The following ACOD1 variants were observed in gnomAD, a reference collection of about 807,000 sequenced individuals.
ACOD1 encodes cis-aconitate decarboxylase.
ACOD1 carries 14 observed loss-of-function variants against 14.2 expected under a neutral mutation model. The ratio of observed to expected loss-of-function variants is 0.99; its 90% CI spans 0.65 to 1.54. The LOEUF (loss-of-function observed/expected upper bound fraction) is 1.54. ACOD1 is among the 40% of genes most tolerant of loss of function. The pLI is 0.00. For missense variants in ACOD1, 530 were observed against 586.3 expected (o/e 0.90, Z 0.99); for synonymous variants, 182 against 221.7 (o/e 0.82, Z 1.59).
intron 1 of ACOD1, among the ~76,000 whole-genome samples, chr13:76,949,266 GAAA>G (rs35542867): frequency 6.8e-6 from 1 of 147,968 alleles, no homozygotes; most frequent in African/African-American, 2.5e-5. Context: ...ACTCCGTCTT[GAAA>G]AAAAAAAATT....
chr13:76,951,966 C>T (rs950808485), intron 1 of ACOD1, among the ~76,000 whole-genome samples: 10 of 152,186 alleles, frequency 6.6e-5, no homozygotes, highest in Non-Finnish European at 1.0e-4. Flanking sequence ...TCAGATTCCA[C>T]CACCTAAAAG....
chr13:76,957,542 C>T lies in ACOD1; in HGVS notation c.1003C>T (p.Gln335Ter), dbSNP rs778793015. 6.4e-7 allele frequency: 1 copy of T among 1,550,600 alleles called. No homozygotes were observed. The highest frequency in any genetic ancestry group is 1.2e-5 in the South Asian group (1 of 84,062). The part of the protein sequence containing the change: ...VSEHEARHSF[Q>*]YVACAMLLDG... ...GGAGCATGAAGCCCGTCATTCATTCCAGTATGTGGCCTGTGCCATGCTGCT... is the reference window on the plus strand; with the variant it reads ...GGAGCATGAAGCCCGTCATTCATTCTAGTATGTGGCCTGTGCCATGCTGCT... Residue 335 changes from glutamine (Q) to a stop codon, truncating the protein, a stop_gained, in exon 5 of 5, where the codon CAG (glutamine) becomes TAG (stop). Transcript: ENST00000377462. LOFTEE classifies it low-confidence loss of function (END_TRUNC).
rs1418690231 is a variant in ACOD1 at position 76,955,669 on chromosome 13, C to T, written c.470+145C>T. The T allele has an allele frequency of 1.2e-5, 8 of 689,812 alleles. No individual in the cohort carries two copies. The African/African-American group carries it at 1.3e-4, about 11-fold the overall frequency. 42.7% of individuals were successfully genotyped at this position (689,812 alleles called of 1,614,324 possible). On this transcript the variant is annotated intron_variant, in intron 4 of 4. Transcript: ENST00000377462. Reference sequence around the variant, plus strand: ...GGTAGATAAGTCAATACACCAGTCACATACGAAACCCTCTATCCACATTTA... The same window carrying T: ...GGTAGATAAGTCAATACACCAGTCATATACGAAACCCTCTATCCACATTTA...
chr13:76,952,671 A>C (rs2033834242), intron 2 of ACOD1, 21 bp downstream of exon 2: 6 of 1,545,172 alleles, frequency 3.9e-6, no homozygotes, highest in Non-Finnish European at 4.4e-6. Flanking sequence ...CAAGGTCTAC[A>C]TTAGAGATAA....
chr13:76,956,601 C>A (rs2033878562), intron 4 of ACOD1, among the ~76,000 whole-genome samples: 1 of 152,096 alleles, frequency 6.6e-6, no homozygotes, highest in African/African-American at 2.4e-5. Context: ...CAGCGTCTGC[C>A]TCCCAGGTTC....
At chr13:76,956,435 T>G (rs2033876365) in intron 4 of ACOD1, among the ~76,000 whole-genome samples, 1 of 152,046 alleles carries the variant, frequency 6.6e-6, no homozygotes, top group African/African-American at 2.4e-5. Flanking sequence ...CTCTTGACCT[T>G]GTGATCTGCC....
chr13:76,953,511 A>G (rs1271184464), intron 2 of ACOD1, 89 bp from the exon 3 acceptor site: 1 of 768,452 alleles, frequency 1.3e-6, no homozygotes, highest in Middle Eastern at 2.3e-4. Context: ...AACTATGAAT[A>G]ATGCCTCCAA....
In ACOD1 at chr13:76,957,414, A is replaced by G. The variant is rs1237060080; in HGVS notation, c.875A>G (p.Lys292Arg). 1.3e-6 allele frequency: 2 copies of G among 1,550,634 alleles called. No homozygotes were observed. The highest frequency in any genetic ancestry group is 2.0e-5 in the Admixed American group (1 of 51,004). Residue 292 changes from lysine to arginine, a missense_variant, in exon 5 of 5, where the codon AAG becomes AGG. By Grantham distance (26) the Lys-to-Arg change is conservative. Transcript: ENST00000377462. ...GCAGACGCAGCTGCATCTGTGAGAA[A>G]GCACCTTGTAGCAGAGAGAGCCCTG... ...WVADAAASVR[K>R]HLVAERALLP...
intron 1 of ACOD1, 36 bp from the exon 2 acceptor site, chr13:76,952,453 G>C: frequency 7.2e-6 from 11 of 1,535,178 alleles, no homozygotes; most frequent in Non-Finnish European, 9.7e-6. Flanking sequence ...AAGTAAAGTG[G>C]GGTGTATCCC....
At position 76,948,524 on chromosome 13, in the gene ACOD1, ACTC is replaced by A. The variant is rs773947774; in HGVS notation, c.-29_-27del. 6 of 1,543,528 alleles carry A rather than the reference ACTC, an allele frequency of 3.9e-6. No homozygotes were observed. Among genetic ancestry groups the A allele is most frequent in the South Asian group, 3.6e-5 (3 of 83,284 alleles). ...AGCAAACAAATTACTCCTCTGGTTC[ACTC>A]CTCCTGAACTGAACCTCTTCTTTAC... is the stretch of plus-strand genomic sequence containing the variant. On this transcript the variant is annotated 5_prime_UTR_variant, in exon 1 of 5. Transcript: ENST00000377462.
In ACOD1 at chr13:76,957,462, G is replaced by A. The variant is rs543566505; in HGVS notation, c.923G>A (p.Arg308Lys). ...CTGCTTCCAACTGACTACATTAAGA[G>A]AATTGTGCTCAGGATACCAAATGTC... ...RALLPTDYIK[R>K]IVLRIPNVQY... The change falls in exon 5 of 5, where the codon AGA (arginine) becomes AAA (lysine). Residue 308 changes from arginine to lysine, a missense_variant. Arg to Lys is a conservative substitution (Grantham distance 26). Transcript: ENST00000377462. 1.5e-5 allele frequency: 23 copies of A among 1,550,648 alleles called. No homozygotes were observed. The Admixed American group carries it at 2.0e-4, about 13-fold the overall frequency.
In ACOD1 at chr13:76,955,543, C is replaced by A; in HGVS notation, c.470+19C>A. 1 of 1,545,544 alleles carries A rather than the reference C, an allele frequency of 6.5e-7. No individual in the cohort carries two copies. Among genetic ancestry groups the A allele is most frequent in the Non-Finnish European group, 8.7e-7 (1 of 1,143,056 alleles). On this transcript the variant is annotated intron_variant, in intron 4 of 4. Transcript: ENST00000377462. ...CAAAGAGGTATGGAGAGAATTTGCC[C>A]CATCAAAAGGTAGTCACATCCCCTT... is the stretch of plus-strand genomic sequence containing the variant.
At chr13:76,948,628 C>T (rs2033791992) in intron 1 of ACOD1, 58 bp downstream of exon 1, 1 of 1,419,358 alleles carries the variant, frequency 7.0e-7, no homozygotes, top group African/African-American at 1.4e-5. Flanking sequence ...CTTCTTCCTT[C>T]CTCAATTTCT....
chr13:76,955,674 G>C, intron 4 of ACOD1, 150 bp downstream of exon 4: 1 of 682,282 alleles, frequency 1.5e-6, no homozygotes, highest in South Asian at 1.9e-5. Context: ...AGTCACATAC[G>C]AAACCCTCTA....
intron 1 of ACOD1, among the ~76,000 whole-genome samples, chr13:76,948,805 G>A (rs2033793948): frequency 6.6e-6 from 1 of 152,212 alleles, no homozygotes; most frequent in Non-Finnish European, 1.5e-5. Flanking sequence ...CAAGTTCATT[G>A]AATTTTAACC....
Position 76,957,511 on chromosome 13 carries a change from A to C in ACOD1, c.972A>C (p.Pro324=). ...TCCAGTATGTAAACAGGCCCTTTCC[A>C]GTTTCGGAGCATGAAGCCCGTCATT... is the stretch of plus-strand genomic sequence containing the variant. ...PNVQYVNRPF[P]VSEHEARHSF... The change falls in exon 5 of 5, where the codon CCA becomes CCC. Residue 324 remains proline, a synonymous_variant. Coordinates refer to ENST00000377462, the MANE Select transcript of ACOD1 (RefSeq NM_001258406.2). The C allele has an allele frequency of 1.3e-6, 2 of 1,550,608 alleles. No individual in the cohort carries two copies. Among genetic ancestry groups the C allele is most frequent in the East Asian group, 4.9e-5 (2 of 40,926 alleles).
chr13:76,953,817 T>C, intron 3 of ACOD1, 128 bp downstream of exon 3: 1 of 641,334 alleles, frequency 1.6e-6, no homozygotes, highest in Non-Finnish European at 2.8e-6. Context: ...ACAGATAAAG[T>C]GGCTTACCCT....
intron 1 of ACOD1, among the ~76,000 whole-genome samples, chr13:76,948,993 C>T (rs1336307071): frequency 2.0e-5 from 3 of 152,128 alleles, no homozygotes; most frequent in Non-Finnish European, 4.4e-5. Flanking sequence ...GGGCCGGGCA[C>T]AGTGGCTCAG....
rs2033864335 is a variant in ACOD1, at chr13:76,955,361, C to T, written c.307C>T (p.His103Tyr). Residue 103 changes from histidine (H) to tyrosine (Y), a missense_variant, in exon 4 of 5, where the codon CAC becomes TAC. Physicochemically the swap from His to Tyr is moderately conservative, Grantham distance 83. Coordinates refer to ENST00000377462, the MANE Select transcript of ACOD1 (RefSeq NM_001258406.2). ...TGATGACACGTGGCACCCTGCCACC[C>T]ACCCTTCTGGGGCTGTCCTTCCTGT... Reference protein sequence around the residue: ...DFDDTWHPATHPSGAVLPVLT... With the variant: ...DFDDTWHPATYPSGAVLPVLT... 4 of 1,550,592 alleles carry T rather than the reference C, an allele frequency of 2.6e-6. No individual in the cohort carries two copies. Among genetic ancestry groups the T allele is most frequent in the Non-Finnish European group, 3.5e-6 (4 of 1,146,986 alleles).
Sources: gnomAD v4.1 joint callset for allele counts (sites outside exome capture counted in the v4.1 genomes callset) on GRCh38, gnomAD v4.1.1 for gene constraint, MANE v1.5 for transcripts, NCBI Gene and HGNC (gene_info 2026-07-23, HGNC 2026-07-21) for gene names.